Variants in GALNT13 observed in about 807,000 individuals in gnomAD.
The protein encoded by GALNT13 is UDP-GalNAc:polypeptide N-acetylgalactosaminyltransferase 13.
In GALNT13, 28 loss-of-function variants were observed where a neutral mutation model predicts 64.2. The ratio of observed to expected loss-of-function variants is 0.44; its 90% CI spans 0.32 to 0.60. The LOEUF is 0.60. GALNT13 is among the 20% of genes least tolerant of loss of function. The probability of loss-of-function intolerance (pLI) is 0.05; values close to 1 mark genes in which losing one functional copy is unlikely to be tolerated. For missense variants in GALNT13, 577 were observed against 669.8 expected, an observed-to-expected ratio of 0.86 and a Z score of 1.53; for synonymous variants, 214 against 224.6, an observed-to-expected ratio of 0.95 and a Z score of 0.42.
At chr2:153,626,706 A>C in the GALNT13 span, among the ~76,000 whole-genome samples, 10 of 152,118 alleles carry the variant, frequency 6.6e-5, no homozygotes, top group Non-Finnish European at 1.5e-4. Flanking sequence ...TACTGTCTGC[A>C]AGCCAGTTTC....
rs773997102 is a variant in GALNT13 at position 154,446,675 on chromosome 2, A to G, written c.1531-3736A>G. On this transcript the variant is annotated intron_variant, in intron 12 of 12. Coordinates refer to ENST00000392825, the MANE Select transcript of GALNT13 (RefSeq NM_052917.4). ...AAACCTGTAATGATAGCACTTTGCA[A>G]AAATGGCTACTAAGAAACTATACAA... 13 of 1,548,740 alleles carry G rather than the reference A, an allele frequency of 8.4e-6. No individual in the cohort carries two copies. The East Asian group carries it at 2.4e-4, about 29-fold the overall frequency.
the GALNT13 span, among the ~76,000 whole-genome samples, chr2:153,110,092 G>A: frequency 5.9e-5 from 9 of 151,788 alleles, no homozygotes; most frequent in African/African-American, 2.2e-4. Flanking sequence ...TACCTTATTC[G>A]GATTAATACA....
At chr2:153,084,440 A>C in the GALNT13 span, among the ~76,000 whole-genome samples, 5,202 of 152,198 alleles carry the variant, frequency 0.034, 181 homozygotes, top group East Asian at 0.17. Flanking sequence ...TTTTCCTTGT[A>C]GAAATCTTTC....
the GALNT13 span, among the ~76,000 whole-genome samples, chr2:153,167,248 G>A: frequency 9.9e-5 from 15 of 152,156 alleles, no homozygotes; most frequent in Admixed American, 7.2e-4. Flanking sequence ...CCCAACAGAA[G>A]GGTCATACAT....
At chr2:154,269,561 A>T (rs1233594457) in intron 8 of GALNT13, among the ~76,000 whole-genome samples, 1 of 151,724 alleles carries the variant, frequency 6.6e-6, no homozygotes, top group African/African-American at 2.4e-5. Flanking sequence ...TAGCCTTTTT[A>T]AAAAATCCTA....
At chr2:153,181,148 T>C in the GALNT13 span, among the ~76,000 whole-genome samples, 2 of 151,170 alleles carry the variant, frequency 1.3e-5, no homozygotes, top group African/African-American at 4.8e-5. Context: ...CATTTATTGC[T>C]GTAAATTTTC....
chr2:153,286,201 A>G, the GALNT13 span, among the ~76,000 whole-genome samples: 1 of 152,142 alleles, frequency 6.6e-6, no homozygotes, highest in Non-Finnish European at 1.5e-5. Context: ...AGATGTGGCA[A>G]TTTTCCCTAA....
the GALNT13 span, among the ~76,000 whole-genome samples, chr2:153,738,970 A>G: frequency 6.6e-6 from 1 of 151,794 alleles, no homozygotes. Context: ...TTAGCACTTT[A>G]CCATCTGTGC....
At chr2:153,152,884 T>C in the GALNT13 span, among the ~76,000 whole-genome samples, 1 of 152,200 alleles carries the variant, frequency 6.6e-6, no homozygotes, top group African/African-American at 2.4e-5. Flanking sequence ...TGCATGTGTC[T>C]TTATAATAAA....
the GALNT13 span, among the ~76,000 whole-genome samples, chr2:153,431,893 C>T: frequency 6.6e-6 from 1 of 152,156 alleles, no homozygotes; most frequent in African/African-American, 2.4e-5. Context: ...TTATATTGGA[C>T]CACATATTCA....
chr2:153,871,449 G>A (rs961700463), upstream of GALNT13, among the ~76,000 whole-genome samples: 4 of 152,198 alleles, frequency 2.6e-5, no homozygotes, highest in Non-Finnish European at 5.9e-5. Context: ...TCTCTCGGCT[G>A]GAGAGCCGAC....
chr2:153,503,876 G>C, the GALNT13 span, among the ~76,000 whole-genome samples: 1 of 152,014 alleles, frequency 6.6e-6, no homozygotes, highest in Non-Finnish European at 1.5e-5. Flanking sequence ...AGGCTTTTTT[G>C]GTTGCATATG....
At chr2:154,018,436 C>T (rs1697165310) in intron 3 of GALNT13, among the ~76,000 whole-genome samples, 1 of 152,152 alleles carries the variant, frequency 6.6e-6, no homozygotes, top group Non-Finnish European at 1.5e-5. Context: ...AGATATCAGT[C>T]TCTGCGGTCA....
intron 3 of GALNT13, among the ~76,000 whole-genome samples, chr2:154,122,216 T>A (rs1468069630): frequency 2.0e-5 from 3 of 151,610 alleles, no homozygotes; most frequent in Non-Finnish European, 4.4e-5. Context: ...TTTATTATAT[T>A]TTTTTTGTGA....
the GALNT13 span, among the ~76,000 whole-genome samples, chr2:153,493,486 T>G: frequency 1.3e-5 from 2 of 152,182 alleles, no homozygotes; most frequent in African/African-American, 4.8e-5. Context: ...TAATTTCGTT[T>G]TAAATCAAAA....
chr2:153,170,779 A>AT, the GALNT13 span, among the ~76,000 whole-genome samples: 3 of 152,186 alleles, frequency 2.0e-5, no homozygotes, highest in Non-Finnish European at 4.4e-5. Flanking sequence ...TGACAGACTG[A>AT]TTTTAAGTCA....
chr2:154,322,665 G>T (rs1261860873), intron 9 of GALNT13, among the ~76,000 whole-genome samples: 2 of 152,098 alleles, frequency 1.3e-5, no homozygotes, highest in East Asian at 3.9e-4. Context: ...TAGTCAGGTT[G>T]TGTTGTTTGT....
At chr2:153,097,136 G>A in the GALNT13 span, among the ~76,000 whole-genome samples, 1 of 152,114 alleles carries the variant, frequency 6.6e-6, no homozygotes, top group East Asian at 1.9e-4. Context: ...ACAAGCAAAA[G>A]GAAAACTAAT....
At chr2:153,902,503 A>G (rs1013701610) in intron 2 of GALNT13, among the ~76,000 whole-genome samples, 1 of 152,142 alleles carries the variant, frequency 6.6e-6, no homozygotes, top group Non-Finnish European at 1.5e-5. Flanking sequence ...TCCTCAAACT[A>G]GGAAAAAGGT....
Sources: gnomAD v4.1 joint callset for allele counts (sites outside exome capture counted in the v4.1 genomes callset) on GRCh38, gnomAD v4.1.1 for gene constraint, MANE v1.5 for transcripts, NCBI Gene and HGNC (gene_info 2026-07-23, HGNC 2026-07-21) for gene names.